The following MYH10 variants were observed in gnomAD, a reference collection of about 807,000 sequenced individuals.
MYH10 encodes myosin heavy chain 10.
In MYH10, 55 loss-of-function variants were observed where a neutral mutation model predicts 257.8. The observed-to-expected ratio is 0.21, with a 90% CI of 0.17 to 0.27. The LOEUF (loss-of-function observed/expected upper bound fraction) is 0.27, where lower values mean the gene tolerates loss of function less well. Among genes scored for constraint, MYH10 ranks in the 10% least tolerant of loss-of-function variants. The probability of loss-of-function intolerance (pLI) is 1.00; values close to 1 mark genes in which losing one functional copy is unlikely to be tolerated. For synonymous variants in MYH10, 854 were observed against 921.7 expected (o/e 0.93, Z 1.33); for missense variants, 1,631 against 2,500.6 (o/e 0.65, Z 7.42).
At position 8,506,526 on chromosome 17, in the gene MYH10, G is replaced by A. The variant is rs777945683; in HGVS notation, c.3215-37C>T. ...GACATAAGAAGCTCTTCAACACACC[G>A]AGTGACTCACCACAGGAATAAACTA... On this transcript the variant is annotated intron_variant, in intron 26 of 42. Coordinates refer to ENST00000360416, the MANE Select transcript of MYH10 (RefSeq NM_001256012.3). The surrounding 1 kb of genome is among the most constrained non-coding windows in gnomAD (Gnocchi z 5.0). 1.5e-5 allele frequency: 24 copies of A among 1,585,150 alleles called. No homozygotes were observed. Among genetic ancestry groups the A allele is most frequent in the African/African-American group, 1.5e-4 (11 of 72,834 alleles).
intron 30 of MYH10, among the ~76,000 whole-genome samples, chr17:8,495,813 G>A (rs761971382): frequency 3.6e-4 from 54 of 151,846 alleles, no homozygotes; most frequent in African/African-American, 1.2e-3. Flanking sequence ...GGGTTCAAGC[G>A]ATTCTCCTGC....
rs529792706 is a variant in MYH10 at position 8,549,013 on chromosome 17, C to A, written c.920-226G>T. ...AATGATGATGTTAACAACGCAAAAA[C>A]CTTAACAGGAGTTTTGGGGATGGCA... On this transcript the variant is annotated intron_variant, in intron 9 of 42. Transcript: ENST00000360416. Among the ~76,000 whole-genome samples, 6 of 152,210 alleles carry A rather than the reference C, an allele frequency of 3.9e-5. No homozygotes were observed. The South Asian group carries it at 1.2e-3, about 32-fold the overall frequency.
At position 8,520,839 on chromosome 17, in the gene MYH10, C is replaced by T. The variant is rs764019548; in HGVS notation, c.2273+39G>A. On this transcript the variant is annotated intron_variant, in intron 19 of 42. Coordinates refer to ENST00000360416, the MANE Select transcript of MYH10 (RefSeq NM_001256012.3). ...CTGTTTTAATTCATATCAAGATAAA[C>T]TCTGATACATAAGCAAAAAAAGTAA... The T allele has an allele frequency of 5.1e-6, 8 of 1,565,574 alleles. No individual in the cohort carries two copies. In the East Asian group the frequency reaches 9.0e-5, roughly 18 times the overall value.
At chr17:8,575,421 T>C (rs1356880176) in intron 6 of MYH10, among the ~76,000 whole-genome samples, 1 of 152,226 alleles carries the variant, frequency 6.6e-6, no homozygotes, top group Non-Finnish European at 1.5e-5. Flanking sequence ...GTCCAGATTT[T>C]CCTTCTTTAA....
At chr17:8,530,752 A>G (rs2081983671) in intron 16 of MYH10, 67 bp from the exon 17 acceptor site, 1 of 1,246,448 alleles carries the variant, frequency 8.0e-7, no homozygotes, top group East Asian at 2.6e-5. Context: ...TTAGTGTGAA[A>G]GACATTTGAC....
At chr17:8,594,002 A>T (rs769133127) in intron 3 of MYH10, among the ~76,000 whole-genome samples, 3 of 152,240 alleles carry the variant, frequency 2.0e-5, no homozygotes, top group Non-Finnish European at 4.4e-5. Context: ...AGGAACAGAG[A>T]GTCCTGGAAT....
chr17:8,540,336 T>G (rs528345117), intron 14 of MYH10, among the ~76,000 whole-genome samples: 6 of 152,274 alleles, frequency 3.9e-5, no homozygotes, highest in African/African-American at 1.2e-4. Context: ...TTATTAGGGT[T>G]GAAATGTTTA....
chr17:8,607,838 A>G (rs982448783), intron 2 of MYH10, among the ~76,000 whole-genome samples: 34 of 152,202 alleles, frequency 2.2e-4, no homozygotes, highest in African/African-American at 8.0e-4. Context: ...AGAAAGATGA[A>G]CTGGTATTAT....
At chr17:8,488,214 T>C (rs1306238589) in intron 35 of MYH10, among the ~76,000 whole-genome samples, 2 of 152,164 alleles carry the variant, frequency 1.3e-5, no homozygotes, top group African/African-American at 4.8e-5. Context: ...ACTCACTCAC[T>C]CTGTGGCACT....
rs1916023115 is a variant in MYH10, at chr17:8,493,034, G to A, written c.4210-10C>T. The A allele has an allele frequency of 6.2e-7, 1 of 1,611,508 alleles. No homozygotes were observed. The highest frequency in any genetic ancestry group is 1.3e-5 in the African/African-American group (1 of 74,670). On this transcript the variant is annotated splice_polypyrimidine_tract_variant and intron_variant, in intron 32 of 42. Transcript: ENST00000360416. ...TCTTGGTATCAGCCAACTAGGTTTT[G>A]TGTACGGACAAACAGAAAGCTCAGT...
intron 30 of MYH10, among the ~76,000 whole-genome samples, chr17:8,496,161 A>G (rs1314380203): frequency 6.6e-6 from 1 of 152,226 alleles, no homozygotes; most frequent in East Asian, 1.9e-4. Context: ...GTGGTATAAG[A>G]TGCTTTATAA....
rs2151855067 is a variant in MYH10, at chr17:8,504,900, A to G, written c.3393T>C (p.Asp1131=). Residue 1131 remains aspartate (D), a synonymous_variant, in exon 28 of 43, where the codon GAT becomes GAC. Transcript: ENST00000360416. This position sits in a 1 kb window ranked among gnomAD's most constrained non-coding sequence, Gnocchi z 5.6. ...CATTGTTCTTATGGAGTGTTTCATCATCACCTCTGTTAAAACACCCAGGCG... is the reference window on the plus strand; with the variant it reads ...CATTGTTCTTATGGAGTGTTTCATCGTCACCTCTGTTAAAACACCCAGGCG... ...EELQGALARG[D]DETLHKNNAL... is the part of the protein sequence containing the mutation. 6.2e-7 allele frequency: 1 copy of G among 1,614,024 alleles called. No homozygotes were observed. Among genetic ancestry groups the G allele is most frequent in the Non-Finnish European group, 8.5e-7 (1 of 1,179,920 alleles).
chr17:8,524,082 G>C (rs898294567), intron 17 of MYH10, among the ~76,000 whole-genome samples: 1 of 152,070 alleles, frequency 6.6e-6, no homozygotes, highest in African/African-American at 2.4e-5. Context: ...TTATCTAGGG[G>C]AGACCAGAAA....
intron 36 of MYH10, among the ~76,000 whole-genome samples, chr17:8,484,616 G>A (rs1914449427): frequency 6.6e-6 from 1 of 152,150 alleles, no homozygotes; most frequent in South Asian, 2.1e-4. Flanking sequence ...CTGGCAACAT[G>A]TAAAAAGGAT....
intron 4 of MYH10, among the ~76,000 whole-genome samples, chr17:8,584,259 GTGTAA>G (rs1555610189): frequency 2.2e-4 from 33 of 152,340 alleles, no homozygotes; most frequent in Non-Finnish European, 4.6e-4. Flanking sequence ...TAAGGCCAGA[GTGTAA>G]ATTAAGAAGT....
At chr17:8,529,020 G>C (rs771164504) in intron 17 of MYH10, among the ~76,000 whole-genome samples, 6 of 152,112 alleles carry the variant, frequency 3.9e-5, no homozygotes, top group Non-Finnish European at 5.9e-5. Flanking sequence ...TACAGTGAGG[G>C]GAATGAGCCA....
chr17:8,490,726 T>G lies in MYH10; in HGVS notation c.4672-174A>C, dbSNP rs1162694909. 6.6e-6 allele frequency among the ~76,000 whole-genome samples: 1 copy of G among 152,242 alleles called. No individual in the cohort carries two copies. Among genetic ancestry groups the G allele is most frequent in the Non-Finnish European group, 1.5e-5 (1 of 68,040 alleles). On this transcript the variant is annotated intron_variant, in intron 34 of 42. Coordinates refer to ENST00000360416, the MANE Select transcript of MYH10 (RefSeq NM_001256012.3). The surrounding 1 kb of genome is among the most constrained non-coding windows in gnomAD (Gnocchi z 4.1). ...CCCTCTCCCCTGAAAGCTGCTGCTA[T>G]TCTCCATTTCAGTGTATGCAGTTCA...
Position 8,521,244 on chromosome 17 carries a change from C to T in MYH10, c.1999G>A (p.Glu667Lys), listed in dbSNP as rs778892637. 3.1e-6 allele frequency: 5 copies of T among 1,614,212 alleles called. No individual in the cohort carries two copies. The highest frequency in any genetic ancestry group is 4.2e-6 in the Non-Finnish European group (5 of 1,180,032). The change falls in exon 18 of 43, where the codon GAG (glutamate) becomes AAG (lysine). Residue 667 changes from glutamate (E) to lysine (K), a missense_variant. Physicochemically the swap from Glu to Lys is moderately conservative, Grantham distance 56 (BLOSUM62 1). Around this residue, in one of 11 missense-constraint regions of MYH10, gnomAD observed 96 missense variants for 146.2 expected, o/e 0.66. Transcript: ENST00000360416. ...TTATATGCGGAGCCAAAAGCTGTCT[C>T]AGTCATACCAGTGACTTGATCCAGA... Reference protein sequence around the residue: ...VGLDQVTGMTETAFGSAYKTK... With the variant: ...VGLDQVTGMTKTAFGSAYKTK...
chr17:8,496,931 G>C (rs529197670), intron 30 of MYH10, among the ~76,000 whole-genome samples: 204 of 152,298 alleles, frequency 1.3e-3, no homozygotes, highest in African/African-American at 4.7e-3. Context: ...CTAGGCAAGA[G>C]GTGCCTATGT....
Sources: gnomAD v4.1 joint callset for allele counts (sites outside exome capture counted in the v4.1 genomes callset) on GRCh38, gnomAD v4.1.1 for gene constraint, gnomAD v4.1.1 regional missense constraint, Gnocchi (gnomAD v3.1) non-coding constraint, MANE v1.5 for transcripts, NCBI Gene and HGNC (gene_info 2026-07-23, HGNC 2026-07-21) for gene names.